RNH1: variants seen among roughly 807,000 people sequenced by gnomAD.
The protein encoded by RNH1 is ribonuclease/angiogenin inhibitor 1, also known as ribonuclease inhibitor.
RNH1 carries 38 observed loss-of-function variants against 46.1 expected under a neutral mutation model. The ratio of observed to expected loss-of-function variants is 0.82; its 90% CI spans 0.64 to 1.08. The LOEUF is 1.08. Among genes scored for constraint, RNH1 ranks in the 50% least tolerant of loss-of-function variants. The probability of loss-of-function intolerance (pLI) is 0.00; values close to 1 mark genes in which losing one functional copy is unlikely to be tolerated. For synonymous variants in RNH1, 319 were observed against 279.1 expected, an observed-to-expected ratio of 1.14 and a Z score of -1.43; for missense variants, 577 against 590.7, an observed-to-expected ratio of 0.98 and a Z score of 0.24.
At chr11:497,365 A>ATTCTTGCC (rs1242193760) in intron 9 of RNH1, among the ~76,000 whole-genome samples, 2 of 104,054 alleles carry the variant, frequency 1.9e-5, no homozygotes, top group Admixed American at 2.2e-4. Context: ...ACTCATGCTC[A>ATTCTTGCC]CTCACCCATG....
chr11:498,068 G>T lies in RNH1; in HGVS notation c.1030C>A (p.Leu344Met). The T allele has an allele frequency of 1.2e-6, 2 of 1,614,148 alleles. No individual in the cohort carries two copies. Among genetic ancestry groups the T allele is most frequent in the Non-Finnish European group, 1.7e-6 (2 of 1,180,040 alleles). The change falls in exon 9 of 11, where the codon CTG becomes ATG. Residue 344 changes from leucine (L) to methionine (M), a missense_variant. Leu to Met is a conservative substitution (Grantham distance 15). Transcript: ENST00000354420. The stretch of plus-strand genomic sequence containing the variant: ...CTGTTGTTGCTTATCTGTAGCTCCA[G>T]GAGAAACCTGTTCTGGGCCAGCACT... ...SSVLAQNRFL[L>M]ELQISNNRLE...
chr11:498,984 A>G, intron 6 of RNH1, 31 bp downstream of exon 6: 4 of 1,609,582 alleles, frequency 2.5e-6, no homozygotes, highest in Non-Finnish European at 3.4e-6. Flanking sequence ...CCTAGCCCAC[A>G]CCCCGCACCC....
At chr11:497,821 A>T (rs542312820) in intron 9 of RNH1, 150 bp downstream of exon 9, 24 of 915,208 alleles carry the variant, frequency 2.6e-5, no homozygotes, top group Middle Eastern at 3.6e-4. Flanking sequence ...TCATATGCTC[A>T]CACACGTGCT....
At chr11:496,073 C>G (rs176939) in intron 9 of RNH1, among the ~76,000 whole-genome samples, 39,318 of 151,728 alleles carry the variant, frequency 0.26, 5,583 homozygotes, top group African/African-American at 0.38. Flanking sequence ...ATGGGCACAC[C>G]AAAAAAGAAA....
chr11:506,741 G>A (rs1242663162), intron 1 of RNH1: 1 of 152,318 alleles, frequency 6.6e-6, no homozygotes, highest in East Asian at 1.9e-4. Flanking sequence ...GGCTGGGCCA[G>A]GATTGCTTGC....
intron 9 of RNH1, among the ~76,000 whole-genome samples, chr11:496,865 A>C (rs1476515666): frequency 6.6e-6 from 1 of 152,282 alleles, no homozygotes; most frequent in African/African-American, 2.4e-5. Context: ...GGTTCCCGCA[A>C]GGGAGAAAGG....
In RNH1 at chr11:507,094, C is replaced by G. The variant is rs1850338454; in HGVS notation, c.-261+19G>C. 1 of 152,238 alleles carries G rather than the reference C, an allele frequency of 6.6e-6. No individual in the cohort carries two copies. The highest frequency in any genetic ancestry group is 1.5e-5 in the Non-Finnish European group (1 of 68,068). The allele number at this position is 152,238 out of a possible 1,614,324, so 9.4% of individuals were successfully genotyped here. On this transcript the variant is annotated intron_variant, in intron 1 of 10. Transcript: ENST00000354420. ...GGCGAGGCCTGGCTAGACGCTGACG[C>G]ACCGCTGGAGCTACTGACCTCGGGA...
chr11:499,345 C>CG, intron 5 of RNH1, 160 bp from the exon 6 acceptor site: 1 of 757,916 alleles, frequency 1.3e-6, no homozygotes, highest in Non-Finnish European at 2.1e-6. Context: ...TCCAGAGGCC[C>CG]GGGCCTCTGT....
intron 10 of RNH1, 31 bp from the exon 11 acceptor site, chr11:494,809 C>G: frequency 1.2e-6 from 2 of 1,613,178 alleles, no homozygotes; most frequent in South Asian, 2.2e-5. Flanking sequence ...AGGCATGGGC[C>G]CGTGTCCTCC....
intron 1 of RNH1, chr11:506,882 C>T (rs1289212058): frequency 6.6e-6 from 1 of 152,322 alleles, no homozygotes; most frequent in Non-Finnish European, 1.5e-5. Flanking sequence ...GCGATGACGT[C>T]CTCAAGGCGC....
In RNH1 at chr11:499,911, T is replaced by C. The variant is rs1565030466; in HGVS notation, c.361A>G (p.Ser121Gly). ...CCCGCATCCCCCAAGAGGTTGTCGC[T>C]GAGGTGCAGCTCCTGCAGGGTGGGC... ...TLPTLQELHL[S>G]DNLLGDAGLQ... is the part of the protein sequence containing the mutation. The change falls in exon 5 of 11, where the codon AGC becomes GGC. Residue 121 changes from serine to glycine, a missense_variant. Coordinates refer to ENST00000354420, the MANE Select transcript of RNH1 (RefSeq NM_203387.3). The C allele has an allele frequency of 1.2e-6, 2 of 1,613,098 alleles. No homozygotes were observed. The highest frequency in any genetic ancestry group is 3.4e-4 in the Middle Eastern group (2 of 5,942).
At chr11:497,801 A>G (rs1317916077) in intron 9 of RNH1, among the ~76,000 whole-genome samples, 170 bp downstream of exon 9, 2 of 149,280 alleles carry the variant, frequency 1.3e-5, no homozygotes, top group South Asian at 2.1e-4. Context: ...ACGGACACCC[A>G]TGCTCACACT....
At chr11:497,825 A>G (rs1849310062) in intron 9 of RNH1, 146 bp downstream of exon 9, 1 of 935,332 alleles carries the variant, frequency 1.1e-6, no homozygotes, top group Non-Finnish European at 1.6e-6. Context: ...ATGCTCACAC[A>G]CGTGCTCACA....
Position 494,941 on chromosome 11 carries a change from C to T in RNH1, c.1240G>A (p.Gly414Ser), listed in dbSNP as rs766963748. The T allele has an allele frequency of 2.9e-5, 47 of 1,609,012 alleles. No homozygotes were observed. The highest frequency in any genetic ancestry group is 3.7e-5 in the Non-Finnish European group (44 of 1,178,180). The change falls in exon 10 of 11, where the codon GGC becomes AGC. Residue 414 changes from glycine (G) to serine (S), a missense_variant. Transcript: ENST00000354420. ...DLSNNCLGDAGILQLVESVRQ... is the reference protein window; with the variant it reads ...DLSNNCLGDASILQLVESVRQ... ...ACGCTCTCCACCAGCTGCAGGATGC[C>T]GGCGTCCCCCAGGCAGTTGTTGCTG...
At chr11:495,336 C>T (rs1159658753) in intron 9 of RNH1, among the ~76,000 whole-genome samples, 1 of 152,154 alleles carries the variant, frequency 6.6e-6, no homozygotes, top group Admixed American at 6.5e-5. Flanking sequence ...CCCAGAGAGC[C>T]ACACCCACCC....
chr11:495,139 G>C (rs530889311), intron 9 of RNH1, 86 bp from the exon 10 acceptor site: 1 of 1,365,040 alleles, frequency 7.3e-7, no homozygotes, highest in Non-Finnish European at 1.0e-6. Context: ...TGGGGGGCGC[G>C]ACGGACACCT....
chr11:505,439 T>C (rs1017513036), intron 1 of RNH1: 1 of 152,134 alleles, frequency 6.6e-6, no homozygotes, highest in African/African-American at 2.4e-5. Flanking sequence ...ACAGTAGGTT[T>C]TGAAGATGGA....
At chr11:499,521 C>G (rs565127897) in intron 5 of RNH1, 1 of 697,222 alleles carries the variant, frequency 1.4e-6, no homozygotes, top group East Asian at 2.7e-5. Flanking sequence ...CACACTGAGG[C>G]GGTGAGTGGA....
In RNH1 at chr11:494,789, G is replaced by A. The variant is rs773102389; in HGVS notation, c.1299-11C>T. ...TAAATGTCGTACAGGCTGCACACAG[G>A]CCAGAAGGGAGGCATGGGCCCGTGT... On this transcript the variant is annotated splice_polypyrimidine_tract_variant and intron_variant, in intron 10 of 10. Transcript: ENST00000354420. The A allele has an allele frequency of 4.3e-6, 7 of 1,613,636 alleles. No individual in the cohort carries two copies. The highest frequency in any genetic ancestry group is 1.1e-5 in the South Asian group (1 of 91,088).
Sources: allele counts gnomAD v4.1 joint callset (sites outside exome capture counted in the v4.1 genomes callset), GRCh38; gene constraint gnomAD v4.1.1; transcripts MANE v1.5; gene names NCBI Gene and HGNC (gene_info 2026-07-23, HGNC 2026-07-21).